The following HDAC9 variants were observed in gnomAD, a reference collection of about 807,000 sequenced individuals.
HDAC9 encodes MEF-2 interacting transcription repressor (MITR) protein.
HDAC9 carries 41 observed loss-of-function variants against 139.4 expected under a neutral mutation model. The ratio of observed to expected loss-of-function variants is 0.29; its 90% CI spans 0.23 to 0.38. The LOEUF (loss-of-function observed/expected upper bound fraction) is 0.38, where lower values mean the gene tolerates loss of function less well. Among genes scored for constraint, HDAC9 ranks in the 10% least tolerant of loss-of-function variants. The pLI is 1.00. For synonymous variants in HDAC9, 517 were observed against 476.2 expected (o/e 1.09, Z -1.12); for missense variants, 1,147 against 1,297.0 (o/e 0.88, Z 1.78).
chr7:18,793,002 C>T (rs1005627719), intron 16 of HDAC9, among the ~76,000 whole-genome samples: 3 of 152,196 alleles, frequency 2.0e-5, no homozygotes, highest in Non-Finnish European at 2.9e-5. Flanking sequence ...TGGTTTCTAG[C>T]AGGCCTGTAA....
intron 13 of HDAC9, among the ~76,000 whole-genome samples, chr7:18,734,107 A>G (rs1366716147): frequency 6.6e-6 from 1 of 152,148 alleles, no homozygotes; most frequent in East Asian, 1.9e-4. Flanking sequence ...GAATTGAGTA[A>G]GTCTATTGGT....
chr7:18,786,195 T>C (rs933924614), intron 16 of HDAC9, among the ~76,000 whole-genome samples: 2 of 152,164 alleles, frequency 1.3e-5, no homozygotes, highest in Non-Finnish European at 2.9e-5. Flanking sequence ...TTTTTATCCC[T>C]TATTCTGGAT....
At chr7:18,160,153 A>T (rs1787525263) in intron 1 of HDAC9, among the ~76,000 whole-genome samples, 1 of 152,230 alleles carries the variant, frequency 6.6e-6, no homozygotes, top group African/African-American at 2.4e-5. Context: ...GACGTTAAAG[A>T]TGAAAAAGAT....
At chr7:18,863,057 C>A (rs2129235885) in intron 21 of HDAC9, among the ~76,000 whole-genome samples, 1 of 152,192 alleles carries the variant, frequency 6.6e-6, no homozygotes, top group African/African-American at 2.4e-5. Context: ...AGATTTGGAA[C>A]CAGCTGGACA....
chr7:18,990,837 C>T (rs1437228098), intron 25 of HDAC9, among the ~76,000 whole-genome samples: 1 of 152,212 alleles, frequency 6.6e-6, no homozygotes, highest in Non-Finnish European at 1.5e-5. Flanking sequence ...ACCCCTTTGA[C>T]TAGGAAAGAG....
chr7:18,154,356 C>A (rs1787013574), intron 1 of HDAC9, among the ~76,000 whole-genome samples: 1 of 152,100 alleles, frequency 6.6e-6, no homozygotes, highest in Non-Finnish European at 1.5e-5. Flanking sequence ...CCTGCTGTAA[C>A]CCTAGTGGAG....
chr7:18,148,602 G>T (rs772634741), intron 1 of HDAC9, among the ~76,000 whole-genome samples: 1 of 152,032 alleles, frequency 6.6e-6, no homozygotes, highest in South Asian at 2.1e-4. Context: ...GATTACAGGC[G>T]CTCGCCACCA....
chr7:18,879,433 A>G (rs529845880), intron 22 of HDAC9, among the ~76,000 whole-genome samples: 1 of 152,304 alleles, frequency 6.6e-6, no homozygotes, highest in East Asian at 1.9e-4. Flanking sequence ...TACAGTAGCC[A>G]AAACAGCATG....
chr7:18,266,774 G>A (rs993217054), intron 2 of HDAC9, among the ~76,000 whole-genome samples: 2 of 151,984 alleles, frequency 1.3e-5, no homozygotes, highest in Non-Finnish European at 2.9e-5. Context: ...CTGTACCATC[G>A]GTGCAAATAT....
intron 15 of HDAC9, among the ~76,000 whole-genome samples, chr7:18,766,290 G>T (rs1226033069): frequency 6.6e-6 from 1 of 152,164 alleles, no homozygotes; most frequent in Non-Finnish European, 1.5e-5. Flanking sequence ...TAATGTTAAA[G>T]ATGTAGGAGC....
chr7:18,480,624 C>G (rs907212227), intron 1 of HDAC9, among the ~76,000 whole-genome samples: 1 of 152,060 alleles, frequency 6.6e-6, no homozygotes, highest in Non-Finnish European at 1.5e-5. Flanking sequence ...GTCAGAGCTG[C>G]AGATTGAGGA....
Position 18,956,133 on chromosome 7 carries a change from G to A in HDAC9, c.3022+1903G>A, listed in dbSNP as rs1159908409. 3.3e-5 allele frequency among the ~76,000 whole-genome samples: 5 copies of A among 151,972 alleles called. No individual in the cohort carries two copies. The South Asian group carries it at 6.2e-4, about 19-fold the overall frequency. ...TCAAAACTTGCTGTAGGAGTATCCT[G>A]CCACTAAGGATTGTCAATTCCACTC... On this transcript the variant is annotated intron_variant, in intron 24 of 25. Coordinates refer to ENST00000686413, the MANE Select transcript of HDAC9 (RefSeq NM_178425.4).
At chr7:18,138,194 C>G (rs900465247) in intron 1 of HDAC9, among the ~76,000 whole-genome samples, 2 of 152,060 alleles carry the variant, frequency 1.3e-5, no homozygotes. Context: ...ATTCTTCTCT[C>G]TTTTTTTCTT....
chr7:18,577,981 C>G (rs957934839), intron 2 of HDAC9, among the ~76,000 whole-genome samples: 5 of 152,132 alleles, frequency 3.3e-5, no homozygotes. Flanking sequence ...CCAAAACACA[C>G]ACATCCTCCC....
At position 18,977,823 on chromosome 7, in the gene HDAC9, CTCCCT is replaced by C. The variant is rs559073349; in HGVS notation, c.3170+1872_3170+1876del. ...ATATTTCTGATGGCTTTGAACTGAACTCCCTTTTTCAGCAGAGGAAAAGAAGAATT... is the reference window on the plus strand; with the variant it reads ...ATATTTCTGATGGCTTTGAACTGAACTTTTCAGCAGAGGAAAAGAAGAATT... On this transcript the variant is annotated intron_variant, in intron 25 of 25. Coordinates refer to ENST00000686413, the MANE Select transcript of HDAC9 (RefSeq NM_178425.4). Among the ~76,000 whole-genome samples the C allele has an allele frequency of 9.4e-4, 143 of 151,890 alleles. 1 individual carries two copies. Among genetic ancestry groups the C allele is most frequent in the Admixed American group, 2.4e-3 (37 of 15,238 alleles).
At chr7:18,460,972 T>C (rs1368497891) in intron 1 of HDAC9, among the ~76,000 whole-genome samples, 1 of 152,036 alleles carries the variant, frequency 6.6e-6, no homozygotes, top group East Asian at 1.9e-4. Flanking sequence ...AAATAAGCAA[T>C]GATTTCTAGA....
chr7:18,229,950 C>G (rs554783701), intron 2 of HDAC9, among the ~76,000 whole-genome samples: 3 of 152,268 alleles, frequency 2.0e-5, no homozygotes, highest in African/African-American at 7.2e-5. Flanking sequence ...AATGTTATTT[C>G]TAATGAACAG....
At chr7:18,921,489 A>C (rs1357154892) in intron 22 of HDAC9, among the ~76,000 whole-genome samples, 1 of 152,236 alleles carries the variant, frequency 6.6e-6, no homozygotes, top group Non-Finnish European at 1.5e-5. Context: ...GCTCATCATC[A>C]CTGGCCATCA....
chr7:18,596,257 T>C (rs2023650), intron 6 of HDAC9, among the ~76,000 whole-genome samples: 101,551 of 151,884 alleles, frequency 0.67, 35,323 homozygotes, highest in South Asian at 0.79. Context: ...ATAGAGGTTT[T>C]AAAATATTCC....
Sources: gnomAD v4.1 joint callset for allele counts (sites outside exome capture counted in the v4.1 genomes callset) on GRCh38, gnomAD v4.1.1 for gene constraint, MANE v1.5 for transcripts, NCBI Gene and HGNC (gene_info 2026-07-23, HGNC 2026-07-21) for gene names.